The following EML6 variants were observed in gnomAD, a reference collection of about 807,000 sequenced individuals.
EML6 encodes the protein EMAP like 6.
A neutral mutation model predicts 240.1 loss-of-function variants in EML6; 154 were observed. That is an observed-to-expected ratio of 0.64 (90% confidence interval 0.56 to 0.73). EML6 has a LOEUF of 0.73. Among genes scored for constraint, EML6 ranks in the 30% least tolerant of loss-of-function variants. The pLI is 0.00. For synonymous variants in EML6, 1,148 were observed against 899.0 expected, an observed-to-expected ratio of 1.28 and a Z score of -4.95; for missense variants, 2,964 against 2,474.6, an observed-to-expected ratio of 1.20 and a Z score of -4.20.
chr2:54,907,316 G>T (rs1341358398), intron 24 of EML6, among the ~76,000 whole-genome samples: 1 of 152,060 alleles, frequency 6.6e-6, no homozygotes, highest in Non-Finnish European at 1.5e-5. Flanking sequence ...AGGCCAGCCT[G>T]GCCAAAATGG....
intron 32 of EML6, among the ~76,000 whole-genome samples, chr2:54,957,478 G>A (rs1000664914): frequency 6.6e-6 from 1 of 152,044 alleles, no homozygotes. Context: ...GAAGGGGGAT[G>A]GGGGATATCT....
intron 2 of EML6, among the ~76,000 whole-genome samples, chr2:54,779,656 G>C (rs1025703109): frequency 2.6e-5 from 4 of 151,844 alleles, no homozygotes; most frequent in Admixed American, 1.3e-4. Context: ...GAGCTCAGGT[G>C]TTCAAGACAG....
At chr2:54,744,953 CACACACACA>C (rs1429559493) in intron 2 of EML6, among the ~76,000 whole-genome samples, 3,509 of 118,010 alleles carry the variant, frequency 0.03, 80 homozygotes, top group South Asian at 0.037. Flanking sequence ...CACACACACA[CACACACACA>C]CCCTGCCATG....
chr2:54,948,858 T>C, intron 28 of EML6, 24 bp from the exon 29 acceptor site: 1 of 1,543,466 alleles, frequency 6.5e-7, no homozygotes, highest in Non-Finnish European at 8.8e-7. Flanking sequence ...ATGCTGTGCT[T>C]CCTCTGGCCG....
chr2:54,800,405 G>A (rs60110568), intron 2 of EML6, among the ~76,000 whole-genome samples: 3,261 of 152,020 alleles, frequency 0.021, 121 homozygotes, highest in African/African-American at 0.07. Flanking sequence ...CCACACACAC[G>A]TACATACACA....
rs1669836241 is a variant in EML6 at position 54,797,165 on chromosome 2, A to AAAAAAAAAAAAAAAAAAAAAAAAAC, written c.198-16066_198-16042dup. On this transcript the variant is annotated intron_variant, in intron 2 of 41. Coordinates refer to ENST00000356458, the MANE Select transcript of EML6 (RefSeq NM_001039753.4). ...GGGTGACAGAGCAAGACTCCATCTC[A>AAAAAAAAAAAAAAAAAAAAAAAAAC]AAAAAAAAAAAAAAAAAAAAAAAAC... is the stretch of plus-strand genomic sequence containing the variant. Among the ~76,000 whole-genome samples, 2 of 62,086 alleles carry AAAAAAAAAAAAAAAAAAAAAAAAAC rather than the reference A, an allele frequency of 3.2e-5. 1 individual carries two copies. Among genetic ancestry groups the AAAAAAAAAAAAAAAAAAAAAAAAAC allele is most frequent in the Non-Finnish European group, 6.8e-5 (2 of 29,242 alleles). The allele number at this position is 62,086 out of a possible 152,430, so 40.7% of individuals were successfully genotyped here. A position where few individuals can be genotyped will look rare whatever the true frequency, so the allele number is the denominator to read the frequency against.
chr2:54,833,911 T>A (rs1489952644), intron 7 of EML6, among the ~76,000 whole-genome samples: 1 of 152,218 alleles, frequency 6.6e-6, no homozygotes, highest in African/African-American at 2.4e-5. Flanking sequence ...CTTGACCTGA[T>A]ATGAGGCTAC....
In EML6 at chr2:54,745,145, C is replaced by G. The variant is rs1352446311; in HGVS notation, c.197+19887C>G. 3.9e-5 allele frequency among the ~76,000 whole-genome samples: 6 copies of G among 152,168 alleles called. No individual in the cohort carries two copies. In the South Asian group the frequency reaches 1.0e-3, roughly 26 times the overall value. ...TATGAGGTCTAGGAAGACTGTCCTG[C>G]TATTGACTCCAGGGTAGATGAGAAG... On this transcript the variant is annotated intron_variant, in intron 2 of 41. Transcript: ENST00000356458.
At chr2:54,968,037 T>C in intron 39 of EML6, 91 bp from the exon 40 acceptor site, 1 of 1,289,644 alleles carries the variant, frequency 7.8e-7, no homozygotes, top group South Asian at 1.3e-5. Flanking sequence ...TAAACATCCC[T>C]CTCTTCCTTA....
chr2:54,756,637 A>T (rs1667743911), intron 2 of EML6, among the ~76,000 whole-genome samples: 1 of 151,618 alleles, frequency 6.6e-6, no homozygotes, highest in East Asian at 1.9e-4. Flanking sequence ...TCTCAGGAGC[A>T]TTTTTTTCTA....
chr2:54,796,871 C>T lies in EML6; in HGVS notation c.198-16361C>T, dbSNP rs184970758. Among the ~76,000 whole-genome samples the T allele has an allele frequency of 8.2e-3, 1,252 of 152,042 alleles. 18 individuals carry two copies. Among genetic ancestry groups the T allele is most frequent in the Middle Eastern group, 0.014 (4 of 294 alleles). On this transcript the variant is annotated intron_variant, in intron 2 of 41. Coordinates refer to ENST00000356458, the MANE Select transcript of EML6 (RefSeq NM_001039753.4). The stretch of plus-strand genomic sequence containing the variant: ...AGACAAGGACTCCTCACCCTGTGGC[C>T]AGGTAGTCACAAGGCGGGGATCCTT...
At chr2:54,857,013 A>G (rs1670418603) in intron 11 of EML6, among the ~76,000 whole-genome samples, 1 of 152,168 alleles carries the variant, frequency 6.6e-6, no homozygotes, top group African/African-American at 2.4e-5. Flanking sequence ...ATATGAGAAT[A>G]GAGGAAAAGA....
At chr2:54,805,434 C>T (rs1309941479) in intron 2 of EML6, among the ~76,000 whole-genome samples, 1 of 152,166 alleles carries the variant, frequency 6.6e-6, no homozygotes, top group Non-Finnish European at 1.5e-5. Context: ...TATATGCATT[C>T]CAGTTGCCCT....
intron 28 of EML6, among the ~76,000 whole-genome samples, chr2:54,936,184 G>A (rs193115502): frequency 6.6e-6 from 1 of 152,274 alleles, no homozygotes; most frequent in African/African-American, 2.4e-5. Flanking sequence ...ATTATCATGT[G>A]GCTTCAGTTT....
intron 2 of EML6, among the ~76,000 whole-genome samples, chr2:54,786,090 C>T (rs79359689): frequency 0.068 from 10,366 of 151,982 alleles, 525 homozygotes; most frequent in East Asian, 0.3. Flanking sequence ...GCTGAGAGCA[C>T]CCATTGTAGG....
chr2:54,865,143 A>G (rs997872286), intron 13 of EML6, among the ~76,000 whole-genome samples: 1 of 152,196 alleles, frequency 6.6e-6, no homozygotes, highest in Non-Finnish European at 1.5e-5. Flanking sequence ...AGAATTTAGG[A>G]AAAGAAATCT....
chr2:54,886,958 A>T (rs1672181381), intron 17 of EML6, among the ~76,000 whole-genome samples: 1 of 152,220 alleles, frequency 6.6e-6, no homozygotes, highest in Non-Finnish European at 1.5e-5. Context: ...AGATGCAAGC[A>T]ATAGGGGTAT....
At position 54,926,026 on chromosome 2, in the gene EML6, A is replaced by C. The variant is rs1232688604; in HGVS notation, c.3676-2287A>C. 7.9e-5 allele frequency among the ~76,000 whole-genome samples: 12 copies of C among 152,328 alleles called. No homozygotes were observed. In the East Asian group the frequency reaches 2.3e-3, roughly 29 times the overall value. ...GGAAACTGAAATGTGAATGTAGGGG[A>C]GAGTGCACAGCTTTCACGAGATTCT... On this transcript the variant is annotated intron_variant, in intron 26 of 41. Coordinates refer to ENST00000356458, the MANE Select transcript of EML6 (RefSeq NM_001039753.4).
At chr2:54,832,849 C>G (rs1668950785) in intron 7 of EML6, among the ~76,000 whole-genome samples, 1 of 152,226 alleles carries the variant, frequency 6.6e-6, no homozygotes, top group African/African-American at 2.4e-5. Flanking sequence ...CAGATTCAGG[C>G]AGAGCAGTGT....
Sources: gnomAD v4.1 joint callset for allele counts (sites outside exome capture counted in the v4.1 genomes callset) on GRCh38, gnomAD v4.1.1 for gene constraint, MANE v1.5 for transcripts, NCBI Gene and HGNC (gene_info 2026-07-23, HGNC 2026-07-21) for gene names.